Variants in AKR1B15 observed in about 807,000 individuals in gnomAD.
AKR1B15 encodes aldo-keto reductase family 1 member B15.
A neutral mutation model predicts 38.5 loss-of-function variants in AKR1B15; 49 were observed. That is an observed-to-expected ratio of 1.27 (90% confidence interval 1.01 to 1.62). AKR1B15 has a LOEUF of 1.62. Among genes scored for constraint, AKR1B15 ranks in the 40% most tolerant of loss-of-function variants. The pLI is 0.00. For missense variants in AKR1B15, 411 were observed against 381.6 expected (o/e 1.08, Z -0.64); for synonymous variants, 137 against 135.5 (o/e 1.01, Z -0.08).
intron 2 of AKR1B15, among the ~76,000 whole-genome samples, chr7:134,558,861 C>A (rs1453008071): frequency 6.6e-6 from 1 of 152,166 alleles, no homozygotes; most frequent in Admixed American, 6.5e-5. Flanking sequence ...CCTGGAGTTT[C>A]CAGAACATCA....
chr7:134,568,089 G>A, intron 3 of AKR1B15, 69 bp from the exon 4 acceptor site: 1 of 1,578,646 alleles, frequency 6.3e-7, no homozygotes, highest in Non-Finnish European at 8.6e-7. Flanking sequence ...GCCAGCCTGG[G>A]CAACATGGCA....
At chr7:134,579,416 C>T (rs1003637902) in intron 11 of AKR1B15, 91 bp from the exon 12 acceptor site, 1 of 1,151,410 alleles carries the variant, frequency 8.7e-7, no homozygotes, top group African/African-American at 1.6e-5. Flanking sequence ...ACCACAAATA[C>T]CACAGAGTCC....
chr7:134,553,048 A>C (rs1277134281), intron 1 of AKR1B15, among the ~76,000 whole-genome samples: 1 of 130,776 alleles, frequency 7.6e-6, no homozygotes, highest in Non-Finnish European at 1.8e-5. Context: ...CCAGCCAAGA[A>C]GGCCCAGCTT....
chr7:134,564,971 C>G (rs1794500206), intron 3 of AKR1B15: 1 of 396,774 alleles, frequency 2.5e-6, no homozygotes, highest in South Asian at 5.1e-5. Context: ...CCAATCAGCA[C>G]TCTGTAAAAA....
In AKR1B15 at chr7:134,575,850, G is replaced by T; in HGVS notation, c.666G>T (p.Glu222Asp). 6.2e-7 allele frequency: 1 copy of T among 1,613,828 alleles called. No individual in the cohort carries two copies. The highest frequency in any genetic ancestry group is 8.5e-7 in the Non-Finnish European group (1 of 1,179,820). The change falls in exon 8 of 12, where the codon GAG becomes GAT. Residue 222 changes from glutamate to aspartate, a missense_variant. Physicochemically the swap from Glu to Asp is conservative, Grantham distance 45. Transcript: ENST00000457545. Reference sequence around the variant, plus strand: ...AGTGTCACCCATACCTCACGCAGGAGAAACTGATCCAGTACTGCCACTCCA... The same window carrying T: ...AGTGTCACCCATACCTCACGCAGGATAAACTGATCCAGTACTGCCACTCCA... ...QVECHPYLTQ[E>D]KLIQYCHSKG...
intron 4 of AKR1B15, among the ~76,000 whole-genome samples, chr7:134,569,104 C>G (rs1228774845): frequency 6.6e-6 from 1 of 152,156 alleles, no homozygotes; most frequent in African/African-American, 2.4e-5. Flanking sequence ...TCAGAGAGCC[C>G]ACAGCTGAGG....
At position 134,568,204 on chromosome 7, in the gene AKR1B15, C is replaced by T; in HGVS notation, c.197C>T (p.Ala66Val). The T allele has an allele frequency of 6.2e-7, 1 of 1,614,096 alleles. No homozygotes were observed. The highest frequency in any genetic ancestry group is 8.5e-7 in the Non-Finnish European group (1 of 1,179,994). The change falls in exon 4 of 12, where the codon GCA becomes GTA. Residue 66 changes from alanine (A) to valine (V), a missense_variant. Coordinates refer to ENST00000457545, the MANE Select transcript of AKR1B15 (RefSeq NM_001080538.3). ...VKEAVKVAID[A>V]EYRHIDCAYF... The stretch of plus-strand genomic sequence containing the variant: ...GAAGCGGTGAAGGTGGCCATTGATG[C>T]AGAATATCGCCACATTGACTGTGCC...
chr7:134,577,099 C>G (rs1794782497), intron 10 of AKR1B15, 53 bp downstream of exon 10: 6 of 1,516,940 alleles, frequency 4.0e-6, no homozygotes, highest in Non-Finnish European at 5.5e-6. Context: ...GGGGGACAGG[C>G]AGACCTTCTC....
intron 4 of AKR1B15, 96 bp downstream of exon 4, chr7:134,568,421 G>C: frequency 3.3e-6 from 5 of 1,520,270 alleles, no homozygotes; most frequent in Non-Finnish European, 4.5e-6. Flanking sequence ...CCTTTTCTAC[G>C]TGTACCCGTT....
rs1380676045 is a variant in AKR1B15, at chr7:134,562,874, C to CT, written c.-22-1721dup. Among the ~76,000 whole-genome samples the CT allele has an allele frequency of 2.4e-3, 331 of 138,954 alleles. 1 individual carries two copies. Among genetic ancestry groups the CT allele is most frequent in the African/African-American group, 8.9e-3 (319 of 35,878 alleles). The allele number at this position is 138,954 out of a possible 152,430, so 91.2% of individuals were successfully genotyped here. On this transcript the variant is annotated intron_variant, in intron 2 of 11. Transcript: ENST00000457545. ...TCTTTCTTTCTTTCTTTCTTTCTTT[C>CT]TTTCTTTCTTTCTTTCCTTCTTTCT...
intron 5 of AKR1B15, 124 bp downstream of exon 5, chr7:134,569,653 T>C: frequency 1.0e-6 from 1 of 965,758 alleles, no homozygotes; most frequent in Non-Finnish European, 1.6e-6. Flanking sequence ...TTCATGGACA[T>C]TTCTTAATTC....
At chr7:134,576,536 G>T in intron 9 of AKR1B15, 106 bp downstream of exon 9, 1 of 1,326,844 alleles carries the variant, frequency 7.5e-7, no homozygotes. Context: ...AAGAACACAG[G>T]AGCTGAAGCC....
intron 1 of AKR1B15, among the ~76,000 whole-genome samples, chr7:134,551,191 C>G (rs1165763789): frequency 6.6e-6 from 1 of 152,156 alleles, no homozygotes; most frequent in East Asian, 1.9e-4. Context: ...AGAATCTTCC[C>G]TTGTCTCCTC....
chr7:134,562,862 C>CT (rs1562947011), intron 2 of AKR1B15, among the ~76,000 whole-genome samples: 1 of 142,974 alleles, frequency 7.0e-6, no homozygotes, highest in Non-Finnish European at 1.5e-5. Flanking sequence ...TTCTTTCTTT[C>CT]TTTCTTTCTT....
chr7:134,564,969 C>A (rs1163432716), intron 3 of AKR1B15, 200 bp downstream of exon 3: 1 of 401,016 alleles, frequency 2.5e-6, no homozygotes, highest in Non-Finnish European at 4.5e-6. Context: ...CACCAATCAG[C>A]ACTCTGTAAA....
At chr7:134,571,982 G>A (rs957533155) in intron 6 of AKR1B15, among the ~76,000 whole-genome samples, 9 of 152,162 alleles carry the variant, frequency 5.9e-5, no homozygotes, top group Admixed American at 5.9e-4. Flanking sequence ...TTGGGCCTGG[G>A]TTTGCTCATA....
At chr7:134,556,150 C>T (rs1442057395) in intron 1 of AKR1B15, among the ~76,000 whole-genome samples, 1 of 152,180 alleles carries the variant, frequency 6.6e-6, no homozygotes, top group Non-Finnish European at 1.5e-5. Flanking sequence ...CCAATCAGAA[C>T]TTTAACTGAT....
chr7:134,574,249 G>T (rs1186325082), intron 6 of AKR1B15, among the ~76,000 whole-genome samples: 1 of 152,180 alleles, frequency 6.6e-6, no homozygotes, highest in East Asian at 1.9e-4. Flanking sequence ...GAGAAGGGCT[G>T]CATAAAGTGT....
intron 6 of AKR1B15, among the ~76,000 whole-genome samples, chr7:134,574,951 C>T (rs1395234556): frequency 6.6e-6 from 1 of 152,190 alleles, no homozygotes; most frequent in Non-Finnish European, 1.5e-5. Context: ...GAGGCTTCTC[C>T]GTATGCTGCA....
Sources: gnomAD v4.1 joint callset for allele counts (sites outside exome capture counted in the v4.1 genomes callset) on GRCh38, gnomAD v4.1.1 for gene constraint, MANE v1.5 for transcripts, NCBI Gene and HGNC (gene_info 2026-07-23, HGNC 2026-07-21) for gene names.